NUCB1: variants seen among roughly 807,000 people sequenced by gnomAD.
The protein encoded by NUCB1 is nucleobindin 1, also known as nucleobindin-1.
Under a neutral mutation model 61.2 loss-of-function variants are expected in NUCB1, and 47 were observed. That is an observed-to-expected ratio of 0.77 (90% CI 0.61 to 0.98). The LOEUF is 0.98. Among genes scored for constraint, NUCB1 ranks in the 50% least tolerant of loss-of-function variants. The pLI is 0.00. For missense variants in NUCB1, 583 were observed against 605.3 expected, an observed-to-expected ratio of 0.96 and a Z score of 0.39; for synonymous variants, 234 against 243.1, an observed-to-expected ratio of 0.96 and a Z score of 0.35.
At chr19:48,909,283 C>T (rs139507927) in intron 4 of NUCB1, among the ~76,000 whole-genome samples, 3,332 of 150,228 alleles carry the variant, frequency 0.022, 114 homozygotes, top group African/African-American at 0.078. Flanking sequence ...GTTTTGCTCT[C>T]GTTGCCCAGG....
intron 11 of NUCB1, 46 bp from the exon 12 acceptor site, chr19:48,921,781 G>A: frequency 6.3e-7 from 1 of 1,577,866 alleles, no homozygotes; most frequent in Non-Finnish European, 8.7e-7. Context: ...CACTTGCAAT[G>A]CCAGCATCAC....
At chr19:48,918,494 C>G (rs957905850) in intron 7 of NUCB1, 4 of 535,034 alleles carry the variant, frequency 7.5e-6, no homozygotes, top group East Asian at 3.1e-5. Flanking sequence ...CATGTTTCCT[C>G]GAACCCTCCC....
At chr19:48,914,806 C>T (rs981654832) in intron 7 of NUCB1, among the ~76,000 whole-genome samples, 1 of 151,420 alleles carries the variant, frequency 6.6e-6, no homozygotes, top group African/African-American at 2.4e-5. Flanking sequence ...ATAGACCAGG[C>T]GTGGTGGCTC....
rs778231320 is a variant in NUCB1 at position 48,912,980 on chromosome 19, C to T, written c.481-31C>T. On this transcript the variant is annotated intron_variant, in intron 5 of 12. Coordinates refer to ENST00000405315, the MANE Select transcript of NUCB1 (RefSeq NM_006184.6). ...GGAATTGGGGGCTGGGCAGAGGGGG[C>T]AGAGGGGAATGACCCTGTGCCTTTC... 30 of 1,550,238 alleles carry T rather than the reference C, an allele frequency of 1.9e-5. No individual in the cohort carries two copies. The Admixed American group carries it at 5.5e-4, about 29-fold the overall frequency.
chr19:48,910,001 G>A (rs542351817), intron 4 of NUCB1, among the ~76,000 whole-genome samples: 25 of 152,236 alleles, frequency 1.6e-4, no homozygotes, highest in Non-Finnish European at 2.8e-4. Context: ...ACTTAGGAGC[G>A]TGCAATTTAA....
intron 8 of NUCB1, 121 bp from the exon 9 acceptor site, chr19:48,918,909 T>C: frequency 7.5e-7 from 1 of 1,331,178 alleles, no homozygotes; most frequent in Admixed American, 1.9e-5. Context: ...CATCAGCCCC[T>C]GGGGCAAAAA....
At position 48,918,793 on chromosome 19, in the gene NUCB1, C is replaced by G. The variant is rs2037570244; in HGVS notation, c.816+9C>G. 6.2e-7 allele frequency: 1 copy of G among 1,613,294 alleles called. No individual in the cohort carries two copies. On this transcript the variant is annotated intron_variant, in intron 8 of 12. Transcript: ENST00000405315. Reference sequence around the variant, plus strand: ...CACTCTTCACCAAGGAGGTGAGCATCTTGGAAGCCTCGGGCACCTGGAGGG... The same window carrying G: ...CACTCTTCACCAAGGAGGTGAGCATGTTGGAAGCCTCGGGCACCTGGAGGG...
rs987451259 is a variant in NUCB1, at chr19:48,922,794, C to A, written c.*370C>A. The A allele has an allele frequency of 3.1e-5, 7 of 223,772 alleles. No homozygotes were observed. Among genetic ancestry groups the A allele is most frequent in the Non-Finnish European group, 5.4e-5 (6 of 110,634 alleles). The allele number at this position is 223,772 out of a possible 1,614,324, so 13.9% of individuals were successfully genotyped here. A position where few individuals can be genotyped will look rare whatever the true frequency, so the allele number is the denominator to read the frequency against. ...CCTCAGCTGCCTGGGTTGTGGCCGC[C>A]CTAGCATCCTGTATGCCCACAGCTA... On this transcript the variant is annotated 3_prime_UTR_variant, in exon 13 of 13. Transcript: ENST00000405315.
chr19:48,912,702 G>A (rs1051446271), intron 5 of NUCB1, among the ~76,000 whole-genome samples: 1 of 148,794 alleles, frequency 6.7e-6, no homozygotes, highest in African/African-American at 2.5e-5. Context: ...TGGGCCTGGT[G>A]ACACATGCCT....
chr19:48,905,954 C>G, intron 4 of NUCB1, 69 bp downstream of exon 4: 1 of 1,441,498 alleles, frequency 6.9e-7, no homozygotes, highest in East Asian at 2.4e-5. Flanking sequence ...TCCCGGCCTC[C>G]AGGTGGTTGT....
At chr19:48,916,924 TAAAC>T (rs1017075662) in intron 7 of NUCB1, among the ~76,000 whole-genome samples, 12 of 148,840 alleles carry the variant, frequency 8.1e-5, no homozygotes, top group Admixed American at 3.4e-4. Context: ...CAAAAATAAA[TAAAC>T]AAATAAATAG....
At chr19:48,900,457 C>A in intron 1 of NUCB1, 85 bp downstream of exon 1, 1 of 323,566 alleles carries the variant, frequency 3.1e-6, no homozygotes, top group Non-Finnish European at 5.7e-6. Context: ...GAGGAGGATG[C>A]ACTGGGTGCC....
Position 48,922,646 on chromosome 19 carries a change from T to C in NUCB1, c.*222T>C. 1.9e-6 allele frequency: 1 copy of C among 531,446 alleles called. No individual in the cohort carries two copies. Among genetic ancestry groups the C allele is most frequent in the Non-Finnish European group, 3.4e-6 (1 of 293,242 alleles). The allele number at this position is 531,446 out of a possible 1,614,324, so 32.9% of individuals were successfully genotyped here. On this transcript the variant is annotated 3_prime_UTR_variant, in exon 13 of 13. Coordinates refer to ENST00000405315, the MANE Select transcript of NUCB1 (RefSeq NM_006184.6). The stretch of plus-strand genomic sequence containing the variant: ...TCTTCCCTTCTGTCCTCCGAGGGGC[T>C]TGCCTTCTCTCGTGTCCAGTGAGGT...
intron 5 of NUCB1, 135 bp downstream of exon 5, chr19:48,911,387 A>G: frequency 7.6e-6 from 4 of 523,194 alleles, no homozygotes; most frequent in East Asian, 3.5e-5. Flanking sequence ...TAGAGGGCTG[A>G]GTCGTTTCTT....
intron 1 of NUCB1, 93 bp from the exon 2 acceptor site, chr19:48,900,693 G>A (rs1198112955): frequency 1.4e-6 from 2 of 1,469,732 alleles, no homozygotes; most frequent in East Asian, 2.3e-5. Context: ...TCTTGGAAGT[G>A]GGGGCGGCGC....
At chr19:48,911,277 G>A (rs1336204287) in intron 5 of NUCB1, 25 bp downstream of exon 5, 2 of 1,535,676 alleles carry the variant, frequency 1.3e-6, no homozygotes, top group African/African-American at 2.7e-5. Context: ...TCCGGAGGCA[G>A]AGGATTGAGG....
chr19:48,920,341 AT>A (rs2037595148), intron 10 of NUCB1, among the ~76,000 whole-genome samples: 1 of 150,734 alleles, frequency 6.6e-6, no homozygotes, highest in African/African-American at 2.4e-5. Flanking sequence ...ATTTATTAAT[AT>A]TTTTTGAGAC....
chr19:48,908,721 G>GGTGTGT (rs57686025), intron 4 of NUCB1, among the ~76,000 whole-genome samples: 3,317 of 109,368 alleles, frequency 0.03, 146 homozygotes, highest in South Asian at 0.055. Flanking sequence ...TTGACCAAGG[G>GGTGTGT]GTGTGTGTGT....
chr19:48,904,689 A>T (rs1169410322), intron 3 of NUCB1, among the ~76,000 whole-genome samples: 2 of 151,742 alleles, frequency 1.3e-5, no homozygotes, highest in Admixed American at 6.6e-5. Context: ...ATGCCTGACT[A>T]ATTTTTGTAT....
Sources: allele counts gnomAD v4.1 joint callset (sites outside exome capture counted in the v4.1 genomes callset), GRCh38; gene constraint gnomAD v4.1.1; transcripts MANE v1.5; gene names NCBI Gene and HGNC (gene_info 2026-07-23, HGNC 2026-07-21).